NEBL: variants seen among roughly 807,000 people sequenced by gnomAD.
The protein encoded by NEBL is nebulette, also known as LIM and SH3 protein 2.
A neutral mutation model predicts 140.2 loss-of-function variants in NEBL; 122 were observed. The ratio of observed to expected loss-of-function variants is 0.87; its 90% CI spans 0.75 to 1.01. The LOEUF is 1.01. NEBL is among the 50% of genes least tolerant of loss of function. NEBL has a pLI of 0.00. For missense variants in NEBL, 1,365 were observed against 1,231.3 expected (o/e 1.11, Z -1.62); for synonymous variants, 436 against 398.9 (o/e 1.09, Z -1.11).
upstream of NEBL, chr10:20,899,448 G>T: frequency 7.7e-7 from 1 of 1,295,458 alleles, no homozygotes; most frequent in Non-Finnish European, 1.0e-6. Flanking sequence ...ACTCTTCACT[G>T]TGCTGCAAGA....
At chr10:21,158,236 T>A (rs952706736) in intron 2 of NEBL, among the ~76,000 whole-genome samples, 1 of 152,226 alleles carries the variant, frequency 6.6e-6, no homozygotes, top group African/African-American at 2.4e-5. Context: ...GGCTGTAATT[T>A]CTACAATCTG....
At chr10:21,158,191 G>A (rs1421329560) in intron 2 of NEBL, among the ~76,000 whole-genome samples, 2 of 152,190 alleles carry the variant, frequency 1.3e-5, no homozygotes, top group Admixed American at 6.5e-5. Context: ...TCATCCATGT[G>A]AGGATTTTGC....
At chr10:21,000,666 A>G (rs535407570) in intron 3 of NEBL, among the ~76,000 whole-genome samples, 1 of 152,312 alleles carries the variant, frequency 6.6e-6, no homozygotes, top group Non-Finnish European at 1.5e-5. Context: ...AAGGTTAAAT[A>G]CTTACTGCAA....
Position 20,919,078 on chromosome 10 carries a change from G to A in NEBL, c.357+42594C>T, listed in dbSNP as rs142458643. Among the ~76,000 whole-genome samples, 43 of 152,066 alleles carry A rather than the reference G, an allele frequency of 2.8e-4. No individual in the cohort carries two copies. The East Asian group carries it at 7.5e-3, about 27-fold the overall frequency. ...AGAAAGATTCCAAATGCCTTAAGAT[G>A]CAATATGATAATTAAAAATAAGCTA... On this transcript the variant is annotated intron_variant, in intron 4 of 6. Transcript: ENST00000417816.
At chr10:20,932,082 T>A (rs2131537305) in intron 4 of NEBL, among the ~76,000 whole-genome samples, 1 of 152,304 alleles carries the variant, frequency 6.6e-6, no homozygotes, top group East Asian at 1.9e-4. Context: ...CTTCAGCATG[T>A]TTTATCCATC....
At chr10:20,967,934 C>T (rs1426891565) in intron 3 of NEBL, among the ~76,000 whole-genome samples, 1 of 151,892 alleles carries the variant, frequency 6.6e-6, no homozygotes, top group East Asian at 1.9e-4. Context: ...ACTGAGGAAC[C>T]CAGAGATTAG....
chr10:20,816,939 G>T (rs1051773377), intron 21 of NEBL, among the ~76,000 whole-genome samples: 1 of 152,088 alleles, frequency 6.6e-6, no homozygotes, highest in Admixed American at 6.6e-5. Context: ...CGGAGGAAGC[G>T]CAAGAACAGG....
At chr10:20,798,983 C>T (rs970344200) in intron 26 of NEBL, among the ~76,000 whole-genome samples, 7 of 152,204 alleles carry the variant, frequency 4.6e-5, no homozygotes, top group Non-Finnish European at 7.4e-5. Flanking sequence ...GAAACTTTTT[C>T]TTAGGGACGT....
chr10:21,230,478 T>C (rs1358210854), intron 3 of NEBL, among the ~76,000 whole-genome samples: 1 of 152,178 alleles, frequency 6.6e-6, no homozygotes, highest in Non-Finnish European at 1.5e-5. Flanking sequence ...TAAATTACTA[T>C]GGTTTCAAGA....
chr10:20,922,705 A>G (rs957150689), intron 4 of NEBL, among the ~76,000 whole-genome samples: 1 of 152,222 alleles, frequency 6.6e-6, no homozygotes, highest in Non-Finnish European at 1.5e-5. Context: ...GCAGCCCAGC[A>G]TGGGTGTGCA....
intron 16 of NEBL, among the ~76,000 whole-genome samples, chr10:20,830,912 T>TTAAA (rs1554779996): frequency 2.2e-5 from 2 of 92,368 alleles, no homozygotes; most frequent in African/African-American, 4.2e-5. Context: ...CTCTAAAATT[T>TTAAA]AAAAAAAAAA....
chr10:21,130,371 G>A (rs1242884807), intron 2 of NEBL, among the ~76,000 whole-genome samples: 1 of 152,066 alleles, frequency 6.6e-6, no homozygotes, highest in African/African-American at 2.4e-5. Flanking sequence ...CAAGGACATA[G>A]TTGAATTCAA....
chr10:20,993,294 C>T (rs1207550681), intron 3 of NEBL, among the ~76,000 whole-genome samples: 1 of 152,126 alleles, frequency 6.6e-6, no homozygotes, highest in East Asian at 1.9e-4. Context: ...AAAGATACCA[C>T]TAAGTTATGA....
chr10:21,180,216 C>T (rs1199696758), intron 3 of NEBL, among the ~76,000 whole-genome samples: 2 of 152,180 alleles, frequency 1.3e-5, no homozygotes, highest in African/African-American at 2.4e-5. Context: ...CCCCTCAGAA[C>T]TGTGAGATAC....
At position 20,822,190 on chromosome 10, in the gene NEBL, C is replaced by T. The variant is rs146030597; in HGVS notation, c.1962+1018G>A. Among the ~76,000 whole-genome samples the T allele has an allele frequency of 2.5e-3, 383 of 152,280 alleles. 3 individuals are homozygous for T. Among genetic ancestry groups the T allele is most frequent in the African/African-American group, 8.6e-3 (356 of 41,568 alleles). On this transcript the variant is annotated intron_variant, in intron 19 of 27. Coordinates refer to ENST00000377122, the MANE Select transcript of NEBL (RefSeq NM_006393.3). ...TATACTCCTATCTCTGTTTCTCCTA[C>T]AAACCTTGAGGATGCCCACGACCCC...
At chr10:21,070,680 C>A (rs553090635) in intron 2 of NEBL, among the ~76,000 whole-genome samples, 3 of 152,210 alleles carry the variant, frequency 2.0e-5, no homozygotes, top group African/African-American at 7.2e-5. Flanking sequence ...TACCAAAATG[C>A]TTACCCACAA....
At chr10:20,900,652 C>A (rs1480368605), upstream of NEBL, among the ~76,000 whole-genome samples, 3 of 147,630 alleles carry the variant, frequency 2.0e-5, no homozygotes, top group Admixed American at 2.0e-4. Flanking sequence ...GGTGAAACCC[C>A]ATCTCTACTA....
At chr10:20,844,181 T>G (rs934897255) in intron 12 of NEBL, among the ~76,000 whole-genome samples, 1 of 152,128 alleles carries the variant, frequency 6.6e-6, no homozygotes, top group African/African-American at 2.4e-5. Context: ...TTAAACGGTA[T>G]GACCAGTTAG....
chr10:20,917,607 C>T (rs1833368559), intron 4 of NEBL, among the ~76,000 whole-genome samples: 1 of 152,056 alleles, frequency 6.6e-6, no homozygotes, highest in African/African-American at 2.4e-5. Context: ...CTTAGAAGGG[C>T]TAGGAAAAAT....
Sources: allele counts gnomAD v4.1 joint callset (sites outside exome capture counted in the v4.1 genomes callset), GRCh38; gene constraint gnomAD v4.1.1; transcripts MANE v1.5; gene names NCBI Gene and HGNC (gene_info 2026-07-23, HGNC 2026-07-21).